The following HS6ST3 variants were observed in gnomAD, a reference collection of about 807,000 sequenced individuals.
HS6ST3 encodes the protein heparan-sulfate 6-O-sulfotransferase 3.
A neutral mutation model predicts 36.7 loss-of-function variants in HS6ST3; 12 were observed. That is an observed-to-expected ratio of 0.33 (90% CI 0.21 to 0.53). HS6ST3 has a LOEUF of 0.53. HS6ST3 is among the 20% of genes least tolerant of loss of function. The pLI is 0.95. For synonymous variants in HS6ST3, 240 were observed against 257.5 expected, an observed-to-expected ratio of 0.93 and a Z score of 0.65; for missense variants, 584 against 640.9, an observed-to-expected ratio of 0.91 and a Z score of 0.96.
At chr13:96,732,175 A>T (rs907557067) in intron 1 of HS6ST3, among the ~76,000 whole-genome samples, 1 of 152,112 alleles carries the variant, frequency 6.6e-6, no homozygotes, top group African/African-American at 2.4e-5. Flanking sequence ...ACACTTTTTC[A>T]TATACCTTTT....
At chr13:96,290,752 A>G (rs2054825737) in intron 1 of HS6ST3, among the ~76,000 whole-genome samples, 1 of 152,106 alleles carries the variant, frequency 6.6e-6, no homozygotes, top group Non-Finnish European at 1.5e-5. Flanking sequence ...ATGGCTTCCC[A>G]CCTCTTTTAG....
At chr13:96,417,641 GATATATAC>G (rs2055540638) in intron 1 of HS6ST3, among the ~76,000 whole-genome samples, 2 of 122,418 alleles carry the variant, frequency 1.6e-5, no homozygotes, top group African/African-American at 3.0e-5. Context: ...TATACACACA[GATATATAC>G]ATGTATATAT....
chr13:96,500,419 A>G (rs1015526523), intron 1 of HS6ST3, among the ~76,000 whole-genome samples: 9 of 152,146 alleles, frequency 5.9e-5, no homozygotes, highest in Non-Finnish European at 1.3e-4. Flanking sequence ...ATATGGATAT[A>G]TTTTAATTTT....
Position 96,348,331 on chromosome 13 carries a change from A to G in HS6ST3, c.707+256762A>G, listed in dbSNP as rs571943535. Reference sequence around the variant, plus strand: ...AGGACCTATTATTGTAGTTCCAATTACTCCTCATCAGGAGGTGTTGGCTAT... The same window carrying G: ...AGGACCTATTATTGTAGTTCCAATTGCTCCTCATCAGGAGGTGTTGGCTAT... On this transcript the variant is annotated intron_variant, in intron 1 of 1. Transcript: ENST00000376705. Among the ~76,000 whole-genome samples the G allele has an allele frequency of 9.2e-5, 14 of 152,258 alleles. No homozygotes were observed. In the South Asian group the frequency reaches 2.7e-3, roughly 29 times the overall value.
intron 1 of HS6ST3, among the ~76,000 whole-genome samples, chr13:96,300,367 T>G (rs975702316): frequency 6.6e-6 from 1 of 151,982 alleles, no homozygotes; most frequent in African/African-American, 2.4e-5. Flanking sequence ...GTGGTACACA[T>G]TTTTAAACAA....
intron 1 of HS6ST3, among the ~76,000 whole-genome samples, chr13:96,104,012 A>C (rs1237936035): frequency 6.6e-6 from 1 of 150,428 alleles, no homozygotes; most frequent in East Asian, 1.9e-4. Context: ...TCATGAAATT[A>C]ATATTTTAAA....
chr13:96,807,192 C>A (rs1027101449), intron 1 of HS6ST3, among the ~76,000 whole-genome samples: 5 of 152,188 alleles, frequency 3.3e-5, no homozygotes, highest in African/African-American at 1.2e-4. Context: ...ATGCTGGTTG[C>A]TGTTGTGACA....
chr13:96,689,056 G>C (rs1173396124), intron 1 of HS6ST3, among the ~76,000 whole-genome samples: 2 of 152,084 alleles, frequency 1.3e-5, no homozygotes, highest in Non-Finnish European at 1.5e-5. Flanking sequence ...TTTATAGTCT[G>C]ATTGTGTTCT....
intron 1 of HS6ST3, among the ~76,000 whole-genome samples, chr13:96,375,239 T>C (rs2055309092): frequency 6.6e-6 from 1 of 152,044 alleles, no homozygotes; most frequent in South Asian, 2.1e-4. Flanking sequence ...TAAAGACCTG[T>C]CCCTTCACCT....
At chr13:96,262,504 AC>A (rs1446886119) in intron 1 of HS6ST3, among the ~76,000 whole-genome samples, 2 of 152,078 alleles carry the variant, frequency 1.3e-5, no homozygotes, top group African/African-American at 4.8e-5. Flanking sequence ...TTTACATAGT[AC>A]CTTTTAAAGT....
intron 1 of HS6ST3, among the ~76,000 whole-genome samples, chr13:96,281,793 G>A (rs905528598): frequency 6.6e-6 from 1 of 152,162 alleles, no homozygotes; most frequent in Non-Finnish European, 1.5e-5. Flanking sequence ...AATTCTTTCA[G>A]ACTTCCCTCA....
chr13:96,665,337 GGTGA>G (rs2056660227), intron 1 of HS6ST3, among the ~76,000 whole-genome samples: 1 of 152,116 alleles, frequency 6.6e-6, no homozygotes. Flanking sequence ...GAGACATCAT[GGTGA>G]GTAAGAGAGA....
At chr13:96,230,446 C>T (rs183323777) in intron 1 of HS6ST3, among the ~76,000 whole-genome samples, 114 of 152,170 alleles carry the variant, frequency 7.5e-4, no homozygotes, top group Non-Finnish European at 1.3e-3. Context: ...GCTGAATTTG[C>T]GGTTCCAAGT....
At chr13:96,744,100 A>C (rs754560142) in intron 1 of HS6ST3, among the ~76,000 whole-genome samples, 3 of 152,064 alleles carry the variant, frequency 2.0e-5, no homozygotes, top group Non-Finnish European at 4.4e-5. Flanking sequence ...AAACATGTAA[A>C]ATGTGAGTTT....
At chr13:96,632,097 G>A (rs1374550326) in intron 1 of HS6ST3, among the ~76,000 whole-genome samples, 1 of 152,156 alleles carries the variant, frequency 6.6e-6, no homozygotes, top group Non-Finnish European at 1.5e-5. Flanking sequence ...CCACCCTCCT[G>A]GGTGAGATTA....
At chr13:96,727,587 G>A (rs898526695) in intron 1 of HS6ST3, among the ~76,000 whole-genome samples, 3 of 151,978 alleles carry the variant, frequency 2.0e-5, no homozygotes, top group East Asian at 1.9e-4. Context: ...TTAACTGCCC[G>A]AATAAAAAAT....
Position 96,355,420 on chromosome 13 carries a change from C to T in HS6ST3, c.707+263851C>T, listed in dbSNP as rs187821495. Among the ~76,000 whole-genome samples, 994 of 150,918 alleles carry T rather than the reference C, an allele frequency of 6.6e-3. 5 individuals are homozygous for T. Among genetic ancestry groups the T allele is most frequent in the Middle Eastern group, 0.027 (8 of 292 alleles). Reference sequence around the variant, plus strand: ...ACACACACAAACACACAAACACACACACACAGAGGCATAGATGATAATGTG... The same window carrying T: ...ACACACACAAACACACAAACACACATACACAGAGGCATAGATGATAATGTG... On this transcript the variant is annotated intron_variant, in intron 1 of 1. Transcript: ENST00000376705.
At chr13:96,214,826 A>C (rs1238904029) in intron 1 of HS6ST3, among the ~76,000 whole-genome samples, 1 of 152,232 alleles carries the variant, frequency 6.6e-6, no homozygotes, top group African/African-American at 2.4e-5. Flanking sequence ...GAAGATGATC[A>C]CTATAACGTT....
chr13:96,157,687 T>C (rs993492832), intron 1 of HS6ST3, among the ~76,000 whole-genome samples: 2 of 152,224 alleles, frequency 1.3e-5, no homozygotes, highest in Non-Finnish European at 2.9e-5. Flanking sequence ...AAAACACTTA[T>C]TTCAGGAAGA....
Sources: gnomAD v4.1 joint callset for allele counts (sites outside exome capture counted in the v4.1 genomes callset) on GRCh38, gnomAD v4.1.1 for gene constraint, MANE v1.5 for transcripts, NCBI Gene and HGNC (gene_info 2026-07-23, HGNC 2026-07-21) for gene names.